The following GOT2 variants were observed in gnomAD, a reference collection of about 807,000 sequenced individuals.
The protein encoded by GOT2 is aspartate aminotransferase, mitochondrial.
In GOT2, 17 loss-of-function variants were observed where a neutral mutation model predicts 50.0. That is an observed-to-expected ratio of 0.34 (90% CI 0.23 to 0.51). The LOEUF (loss-of-function observed/expected upper bound fraction) is 0.51, where lower values mean the gene tolerates loss of function less well. Ranked by LOEUF, GOT2 falls within the 20% of genes least tolerant of loss-of-function variation. GOT2 has a pLI of 0.97. For synonymous variants in GOT2, 172 were observed against 204.9 expected (o/e 0.84, Z 1.37); for missense variants, 430 against 559.6 (o/e 0.77, Z 2.34).
chr16:58,710,480 C>G (rs548439004), intron 8 of GOT2, among the ~76,000 whole-genome samples: 1 of 151,678 alleles, frequency 6.6e-6, no homozygotes, highest in African/African-American at 2.4e-5. Flanking sequence ...GATTCTCCCA[C>G]CTTGGCCTCC....
chr16:58,723,611 C>T (rs183789761), intron 2 of GOT2, 135 bp downstream of exon 2: 23 of 727,494 alleles, frequency 3.2e-5, no homozygotes, highest in East Asian at 1.3e-4. Context: ...CCAGAAAACC[C>T]GGGTGATTCA....
rs1453138038 is a variant in GOT2, at chr16:58,716,826, G to A, written c.703-13C>T. 2.5e-6 allele frequency: 4 copies of A among 1,613,326 alleles called. No individual in the cohort carries two copies. The highest frequency in any genetic ancestry group is 1.7e-5 in the Admixed American group (1 of 59,944). On this transcript the variant is annotated splice_polypyrimidine_tract_variant and intron_variant, in intron 6 of 9. Transcript: ENST00000245206. Reference sequence around the variant, plus strand: ...AGAGATTCCTTTTCTGAGAAGGAACGAAAGATCGAAGCTTTAGCAGTCTTT... The same window carrying A: ...AGAGATTCCTTTTCTGAGAAGGAACAAAAGATCGAAGCTTTAGCAGTCTTT...
At chr16:58,716,539 G>T (rs1285847416) in intron 7 of GOT2, 124 bp downstream of exon 7, 11 of 763,384 alleles carry the variant, frequency 1.4e-5, no homozygotes, top group Admixed American at 3.0e-5. Flanking sequence ...TTAGGGTAGG[G>T]AGGGACATGG....
At chr16:58,726,332 C>T (rs1414221493) in intron 1 of GOT2, among the ~76,000 whole-genome samples, 3 of 151,710 alleles carry the variant, frequency 2.0e-5, no homozygotes, top group Non-Finnish European at 4.4e-5. Context: ...ATTACAAACT[C>T]CTGCCACCAT....
intron 8 of GOT2, among the ~76,000 whole-genome samples, chr16:58,712,354 A>G (rs30836): frequency 0.66 from 100,693 of 152,068 alleles, 33,388 homozygotes; most frequent in Middle Eastern, 0.82. Flanking sequence ...TCTACTAAAA[A>G]TACAGAAATT....
intron 3 of GOT2, among the ~76,000 whole-genome samples, chr16:58,720,585 T>A (rs1270576206): frequency 6.6e-6 from 1 of 151,768 alleles, no homozygotes; most frequent in African/African-American, 2.4e-5. Context: ...ACAATTTTTT[T>A]TTTTTTTTTT....
intron 8 of GOT2, among the ~76,000 whole-genome samples, chr16:58,713,184 A>G (rs992506677): frequency 2.0e-5 from 3 of 151,446 alleles, no homozygotes; most frequent in South Asian, 2.1e-4. Context: ...TGGGTAAGGG[A>G]AAAAAAAAGC....
intron 8 of GOT2, among the ~76,000 whole-genome samples, chr16:58,713,788 A>G (rs1207207931): frequency 6.6e-6 from 1 of 152,222 alleles, no homozygotes; most frequent in Non-Finnish European, 1.5e-5. Flanking sequence ...AGGGGTTGGC[A>G]TTCTTTCTGT....
chr16:58,723,671 C>A, intron 2 of GOT2, 75 bp downstream of exon 2: 1 of 1,228,568 alleles, frequency 8.1e-7, no homozygotes, highest in Non-Finnish European at 1.2e-6. Context: ...CCCGGTCCAG[C>A]ACTATTCCTG....
chr16:58,718,120 T>G, intron 6 of GOT2, 76 bp downstream of exon 6: 1 of 1,013,174 alleles, frequency 9.9e-7, no homozygotes, highest in South Asian at 1.3e-5. Context: ...GACTCTCTGT[T>G]GAGACATTGC....
intron 1 of GOT2, among the ~76,000 whole-genome samples, chr16:58,733,656 C>T (rs977949508): frequency 3.9e-5 from 6 of 152,070 alleles, no homozygotes; most frequent in Non-Finnish European, 7.4e-5. Context: ...GCCCCGGAAA[C>T]CTTCCTCTCG....
At chr16:58,729,713 T>G (rs2044817017) in intron 1 of GOT2, among the ~76,000 whole-genome samples, 1 of 133,636 alleles carries the variant, frequency 7.5e-6, no homozygotes, top group Non-Finnish European at 1.7e-5. Context: ...TGGTATACCT[T>G]TTAAGAATTC....
Position 58,710,044 on chromosome 16 carries a change from G to A in GOT2, c.1020-477C>T, listed in dbSNP as rs537092037. Among the ~76,000 whole-genome samples, 182 of 152,228 alleles carry A rather than the reference G, an allele frequency of 1.2e-3. 1 individual carries two copies. Among genetic ancestry groups the A allele is most frequent in the Non-Finnish European group, 2.2e-3 (148 of 68,018 alleles). Reference sequence around the variant, plus strand: ...ATGCTAGGGTAAGCTATGATGTTTGGTAGGTTAAGTGTATTAAATGAATTT... The same window carrying A: ...ATGCTAGGGTAAGCTATGATGTTTGATAGGTTAAGTGTATTAAATGAATTT... On this transcript the variant is annotated intron_variant, in intron 8 of 9. Coordinates refer to ENST00000245206, the MANE Select transcript of GOT2 (RefSeq NM_002080.4).
chr16:58,724,307 G>C (rs1290268500), intron 1 of GOT2, among the ~76,000 whole-genome samples: 1 of 147,852 alleles, frequency 6.8e-6, no homozygotes, highest in Non-Finnish European at 1.5e-5. Context: ...TTTTGAGACA[G>C]AGTCTCGCTC....
chr16:58,716,833 C>T lies in GOT2; in HGVS notation c.703-20G>A, dbSNP rs372350040. The T allele has an allele frequency of 5.5e-5, 88 of 1,612,794 alleles. No individual in the cohort carries two copies. Among genetic ancestry groups the T allele is most frequent in the East Asian group, 1.1e-4 (5 of 44,884 alleles). The stretch of plus-strand genomic sequence containing the variant: ...CCTTTTCTGAGAAGGAACGAAAGAT[C>T]GAAGCTTTAGCAGTCTTTCTGAAGA... On this transcript the variant is annotated intron_variant, in intron 6 of 9. Coordinates refer to ENST00000245206, the MANE Select transcript of GOT2 (RefSeq NM_002080.4).
At chr16:58,712,785 A>T (rs1399816426) in intron 8 of GOT2, among the ~76,000 whole-genome samples, 1 of 152,214 alleles carries the variant, frequency 6.6e-6, no homozygotes, top group East Asian at 1.9e-4. Flanking sequence ...AGTCCTGCAC[A>T]TACATATATA....
At chr16:58,733,266 C>T (rs1330052326) in intron 1 of GOT2, among the ~76,000 whole-genome samples, 1 of 152,158 alleles carries the variant, frequency 6.6e-6, no homozygotes, top group Non-Finnish European at 1.5e-5. Flanking sequence ...ATACACGCCA[C>T]AGTACGAAAT....
At chr16:58,733,128 T>G in intron 1 of GOT2, among the ~76,000 whole-genome samples, 1 of 152,212 alleles carries the variant, frequency 6.6e-6, no homozygotes, top group East Asian at 1.9e-4. Flanking sequence ...AGTTCCTTAT[T>G]AAGGTAGTGC....
At chr16:58,731,300 A>G (rs1425967854) in intron 1 of GOT2, among the ~76,000 whole-genome samples, 4 of 152,060 alleles carry the variant, frequency 2.6e-5, no homozygotes, top group African/African-American at 9.7e-5. Context: ...GCACATCACC[A>G]TGCCCGGCTA....
Sources: gnomAD v4.1 joint callset for allele counts (sites outside exome capture counted in the v4.1 genomes callset) on GRCh38, gnomAD v4.1.1 for gene constraint, MANE v1.5 for transcripts, NCBI Gene and HGNC (gene_info 2026-07-23, HGNC 2026-07-21) for gene names.